The following ROBO1 variants were observed in gnomAD, a reference collection of about 807,000 sequenced individuals.
ROBO1 encodes the protein roundabout guidance receptor 1.
Under a neutral mutation model 195.9 loss-of-function variants are expected in ROBO1, and 149 were observed. The ratio of observed to expected loss-of-function variants is 0.76; its 90% CI spans 0.67 to 0.87. The LOEUF (loss-of-function observed/expected upper bound fraction) is 0.87. Ranked by LOEUF, ROBO1 falls within the 40% of genes least tolerant of loss-of-function variation. ROBO1 has a pLI of 0.00. For synonymous variants in ROBO1, 816 were observed against 733.2 expected (o/e 1.11, Z -1.82); for missense variants, 1,933 against 2,068.3 (o/e 0.93, Z 1.27).
intron 2 of ROBO1, among the ~76,000 whole-genome samples, chr3:79,411,658 C>T (rs1404312487): frequency 6.6e-6 from 1 of 152,070 alleles, no homozygotes; most frequent in Non-Finnish European, 1.5e-5. Flanking sequence ...TTGCAAGTCC[C>T]AGGAATTCTA....
chr3:79,619,463 G>T (rs1169138855), intron 1 of ROBO1, among the ~76,000 whole-genome samples: 1 of 152,034 alleles, frequency 6.6e-6, no homozygotes, highest in Non-Finnish European at 1.5e-5. Flanking sequence ...ACTCGATAAT[G>T]GTTCTAAATG....
At chr3:79,392,158 A>T (rs2036977415) in intron 2 of ROBO1, among the ~76,000 whole-genome samples, 1 of 152,178 alleles carries the variant, frequency 6.6e-6, no homozygotes, top group Non-Finnish European at 1.5e-5. Flanking sequence ...TGTGTCAGAG[A>T]AGCAACCACG....
intron 1 of ROBO1, among the ~76,000 whole-genome samples, chr3:79,657,481 A>G (rs1268555246): frequency 6.6e-6 from 1 of 152,114 alleles, no homozygotes; most frequent in Non-Finnish European, 1.5e-5. Flanking sequence ...TGGAGAAAAA[A>G]GGAGAAAGGA....
chr3:79,164,613 C>T (rs2081030328), intron 2 of ROBO1, among the ~76,000 whole-genome samples: 1 of 152,078 alleles, frequency 6.6e-6, no homozygotes, highest in Non-Finnish European at 1.5e-5. Context: ...AAATAACATC[C>T]TTAATCATTT....
At chr3:79,231,357 A>G (rs1024552062) in intron 2 of ROBO1, among the ~76,000 whole-genome samples, 1 of 152,150 alleles carries the variant, frequency 6.6e-6, no homozygotes, top group African/African-American at 2.4e-5. Context: ...AAGGAAATTA[A>G]ATAAATTTAT....
chr3:78,659,877 C>A (rs1340364450), intron 16 of ROBO1, 70 bp from the exon 17 acceptor site: 69 of 1,102,732 alleles, frequency 6.3e-5, no homozygotes, highest in Non-Finnish European at 8.2e-5. Flanking sequence ...TAATTAATAT[C>A]AAACCCAATA....
intron 2 of ROBO1, among the ~76,000 whole-genome samples, chr3:79,199,324 A>T (rs1013259382): frequency 2.0e-5 from 3 of 151,896 alleles, no homozygotes; most frequent in African/African-American, 7.2e-5. Context: ...TGACTAGAAG[A>T]CTCAAGACAT....
At chr3:79,250,239 G>A (rs1420899520) in intron 2 of ROBO1, among the ~76,000 whole-genome samples, 1 of 152,114 alleles carries the variant, frequency 6.6e-6, no homozygotes, top group Non-Finnish European at 1.5e-5. Context: ...CACAGTAATG[G>A]TCACTATTTT....
chr3:79,743,118 G>T (rs1703718351), intron 1 of ROBO1, among the ~76,000 whole-genome samples: 1 of 152,164 alleles, frequency 6.6e-6, no homozygotes, highest in African/African-American at 2.4e-5. Context: ...ATCAGTTAAT[G>T]ATGGAAATAC....
chr3:79,117,790 A>T (rs551653907), intron 3 of ROBO1, among the ~76,000 whole-genome samples: 247 of 152,308 alleles, frequency 1.6e-3, no homozygotes, highest in African/African-American at 5.5e-3. Flanking sequence ...TTTGAAATAA[A>T]TGGAAGGTGG....
intron 3 of ROBO1, among the ~76,000 whole-genome samples, chr3:78,974,927 TA>T (rs781188765): frequency 7.9e-5 from 12 of 152,172 alleles, no homozygotes; most frequent in African/African-American, 1.4e-4. Context: ...TATATTAGAT[TA>T]CATTTAGTCA....
chr3:79,665,434 A>G (rs1946448647), intron 1 of ROBO1, among the ~76,000 whole-genome samples: 2 of 151,894 alleles, frequency 1.3e-5, no homozygotes, highest in Admixed American at 1.3e-4. Context: ...AGCTATTTCT[A>G]TGAACAATGA....
chr3:78,756,173 G>A (rs2082925733), intron 4 of ROBO1, among the ~76,000 whole-genome samples: 1 of 151,890 alleles, frequency 6.6e-6, no homozygotes, highest in Admixed American at 6.6e-5. Flanking sequence ...ATACTGTGAT[G>A]GTAACACTAA....
rs200022484 is a variant in ROBO1 at position 78,809,152 on chromosome 3, GA to G, written c.500-62253del. 3.1e-3 allele frequency among the ~76,000 whole-genome samples: 447 copies of G among 146,064 alleles called. 2 individuals carry two copies. Among genetic ancestry groups the G allele is most frequent in the African/African-American group, 9.9e-3 (396 of 39,934 alleles). Reference sequence around the variant, plus strand: ...ATAAAGAACTTAAACAAATTTACAAGAAAAAAAAAACATCAAAAAGTGGGCA... The same window carrying G: ...ATAAAGAACTTAAACAAATTTACAAGAAAAAAAAACATCAAAAAGTGGGCA... On this transcript the variant is annotated intron_variant, in intron 4 of 30. Transcript: ENST00000464233.
At chr3:79,342,561 T>A (rs540585685) in intron 2 of ROBO1, among the ~76,000 whole-genome samples, 1 of 152,300 alleles carries the variant, frequency 6.6e-6, no homozygotes, top group South Asian at 2.1e-4. Flanking sequence ...ATGAGCATTT[T>A]AAAAAGTTAC....
chr3:79,289,892 A>C (rs369396637), intron 2 of ROBO1, among the ~76,000 whole-genome samples: 1 of 152,018 alleles, frequency 6.6e-6, no homozygotes, highest in Non-Finnish European at 1.5e-5. Flanking sequence ...TTTTCTACCT[A>C]TGTCCATCAA....
intron 26 of ROBO1, among the ~76,000 whole-genome samples, chr3:78,622,548 T>C (rs954490456): frequency 2.0e-5 from 3 of 152,194 alleles, no homozygotes; most frequent in Admixed American, 6.5e-5. Context: ...TGGCAGACTG[T>C]ATTCTACAAA....
chr3:79,471,726 A>G (rs1261679283), intron 2 of ROBO1, among the ~76,000 whole-genome samples: 2 of 152,178 alleles, frequency 1.3e-5, no homozygotes, highest in Admixed American at 6.5e-5. Context: ...AAAATGTAGC[A>G]CATATACACC....
At chr3:79,487,335 T>C (rs1184572670) in intron 2 of ROBO1, among the ~76,000 whole-genome samples, 1 of 130,322 alleles carries the variant, frequency 7.7e-6, no homozygotes, top group African/African-American at 3.2e-5. Context: ...ATGGATATTA[T>C]AGATAATGAC....
Sources: allele counts gnomAD v4.1 joint callset (sites outside exome capture counted in the v4.1 genomes callset), GRCh38; gene constraint gnomAD v4.1.1; transcripts MANE v1.5; gene names NCBI Gene and HGNC (gene_info 2026-07-23, HGNC 2026-07-21).